Variants in HEATR1 observed in about 807,000 individuals in gnomAD.
HEATR1 encodes the protein HEAT repeat containing 1.
In HEATR1, 77 loss-of-function variants were observed where a neutral mutation model predicts 248.2. The ratio of observed to expected loss-of-function variants is 0.31; its 90% CI spans 0.26 to 0.37. The LOEUF (loss-of-function observed/expected upper bound fraction) is 0.37, where lower values mean the gene tolerates loss of function less well. HEATR1 is among the 10% of genes least tolerant of loss of function. The pLI, the probability that HEATR1 is intolerant of heterozygous loss-of-function variation, is 1.00. For synonymous variants in HEATR1, 897 were observed against 923.1 expected (o/e 0.97, Z 0.51); for missense variants, 2,420 against 2,504.9 (o/e 0.97, Z 0.72).
rs67239913 is a variant in HEATR1 at position 236,592,637 on chromosome 1, T to TA, written c.1194-5dup. ...AATATACTCTTCAAATAGAAGGCTG[T>TA]AAAAAAAAAAACAGAAATATCAGCA... On this transcript the variant is annotated splice_region_variant and splice_polypyrimidine_tract_variant and intron_variant, in intron 9 of 44. Coordinates refer to ENST00000366582, the MANE Select transcript of HEATR1 (RefSeq NM_018072.6). 0.015 allele frequency: 12,723 copies of TA among 848,930 alleles called. No individual in the cohort carries two copies. Among genetic ancestry groups the TA allele is most frequent in the South Asian group, 0.034 (1,912 of 56,874 alleles). The allele number at this position is 848,930 out of a possible 1,614,324, so 52.6% of individuals were successfully genotyped here. A position where few individuals can be genotyped will look rare whatever the true frequency, so the allele number is the denominator to read the frequency against.
rs886805974 is a variant in HEATR1, at chr1:236,556,258, C to T, written c.5356G>A (p.Val1786Met). The T allele has an allele frequency of 2.3e-5, 37 of 1,613,786 alleles. No individual in the cohort carries two copies. Among genetic ancestry groups the T allele is most frequent in the Non-Finnish European group, 3.1e-5 (36 of 1,179,922 alleles). The change falls in exon 38 of 45, where the codon GTG becomes ATG. Residue 1786 changes from valine to methionine, a missense_variant and splice_region_variant. Coordinates refer to ENST00000366582, the MANE Select transcript of HEATR1 (RefSeq NM_018072.6). ...CTAGTGATTTTCTCCAGATGAATCA[C>T]CTACAGGAATATAAAAAAAGTGATC... Reference protein sequence around the residue: ...SPYLEGILSQVIHLEKITSEM... With the variant: ...SPYLEGILSQMIHLEKITSEM...
At chr1:236,595,497 A>G (rs1664153307) in intron 8 of HEATR1, 43 bp downstream of exon 8, 3 of 1,531,990 alleles carry the variant, frequency 2.0e-6, no homozygotes, top group Non-Finnish European at 2.7e-6. Flanking sequence ...TTTTAAGATC[A>G]AATCTTAGAA....
At chr1:236,603,864 C>T (rs1452175962) in intron 2 of HEATR1, 90 bp downstream of exon 2, 4 of 1,337,504 alleles carry the variant, frequency 3.0e-6, no homozygotes, top group Non-Finnish European at 4.1e-6. Flanking sequence ...GAGGACGGGA[C>T]AGAAGAGAAA....
intron 20 of HEATR1, 137 bp from the exon 21 acceptor site, chr1:236,577,086 T>G (rs2103138303): frequency 1.5e-6 from 1 of 649,922 alleles, no homozygotes; most frequent in African/African-American, 1.8e-5. Context: ...GTTTGAATAT[T>G]TAATATTCCA....
chr1:236,583,337 G>A (rs74369277), intron 17 of HEATR1, 141 bp from the exon 18 acceptor site: 8 of 628,984 alleles, frequency 1.3e-5, no homozygotes, highest in African/African-American at 1.8e-5. Context: ...TGCTTTGGTC[G>A]GATTTTTAAA....
At chr1:236,581,017 A>G (rs2103141578) in intron 20 of HEATR1, among the ~76,000 whole-genome samples, 1 of 151,546 alleles carries the variant, frequency 6.6e-6, no homozygotes, top group East Asian at 1.9e-4. Context: ...ACGGGGTTTC[A>G]CCATGTTGCC....
Position 236,564,566 on chromosome 1 carries a change from G to A in HEATR1, c.4531C>T (p.Arg1511Trp), listed in dbSNP as rs1558180469. The change falls in exon 32 of 45, where the codon CGG becomes TGG. Residue 1511 changes from arginine (R) to tryptophan (W), a missense_variant. Coordinates refer to ENST00000366582, the MANE Select transcript of HEATR1 (RefSeq NM_018072.6). ...NVETHTSKQL[R>W]HFKFLSVSFM... ...GACACTGACAAAAATTTAAAATGCC[G>A]CAGTTGCTTGCTAGTGTGAGTCTCT... is the stretch of plus-strand genomic sequence containing the variant. 4 of 1,613,880 alleles carry A rather than the reference G, an allele frequency of 2.5e-6. No homozygotes were observed. Among genetic ancestry groups the A allele is most frequent in the Non-Finnish European group, 2.5e-6 (3 of 1,179,936 alleles).
intron 20 of HEATR1, among the ~76,000 whole-genome samples, chr1:236,580,824 ATT>A (rs71178327): frequency 1.6e-5 from 2 of 126,646 alleles, no homozygotes; most frequent in Non-Finnish European, 1.6e-5. Flanking sequence ...GCCTTTATCG[ATT>A]TTTTTTTTTT....
chr1:236,587,286 C>A, intron 14 of HEATR1, 116 bp downstream of exon 14: 1 of 437,766 alleles, frequency 2.3e-6, no homozygotes, highest in Non-Finnish European at 4.1e-6. Flanking sequence ...GTTCTACTAC[C>A]ACGACAAAAG....
At chr1:236,581,793 C>G (rs1362104611) in intron 19 of HEATR1, among the ~76,000 whole-genome samples, 1 of 152,216 alleles carries the variant, frequency 6.6e-6, no homozygotes, top group Non-Finnish European at 1.5e-5. Flanking sequence ...ATGGAGGTCA[C>G]TGGTGCTGGG....
chr1:236,565,030 C>T lies in HEATR1; in HGVS notation c.4436-369G>A, dbSNP rs968023807. Among the ~76,000 whole-genome samples the T allele has an allele frequency of 2.6e-5, 4 of 152,178 alleles. No homozygotes were observed. In the South Asian group the frequency reaches 8.3e-4, roughly 31 times the overall value. On this transcript the variant is annotated intron_variant, in intron 31 of 44. Transcript: ENST00000366582. The stretch of plus-strand genomic sequence containing the variant: ...GTTGGCAGTGCAGTGTTAAAAACCA[C>T]TAGCCTATAGAATGACTTACTGCTA...
In HEATR1 at chr1:236,568,893, A is replaced by AAC. The variant is rs1553282002; in HGVS notation, c.4077+102_4077+103insGT. 170 of 607,770 alleles carry AAC rather than the reference A, an allele frequency of 2.8e-4. 2 individuals are homozygous for AAC. The highest frequency in any genetic ancestry group is 2.4e-3 in the Middle Eastern group (4 of 1,700). 37.6% of individuals were successfully genotyped at this position (607,770 alleles called of 1,614,324 possible). ...ACAACTGTTGAGGATATTAAAAAAAAAAAACAAAAAAAAAAAACTAAAAAA... is the reference window on the plus strand; with the variant it reads ...ACAACTGTTGAGGATATTAAAAAAAAACAAAACAAAAAAAAAAAACTAAAAAA... On this transcript the variant is annotated intron_variant, in intron 29 of 44. Coordinates refer to ENST00000366582, the MANE Select transcript of HEATR1 (RefSeq NM_018072.6).
intron 32 of HEATR1, among the ~76,000 whole-genome samples, chr1:236,564,039 G>A (rs897896841): frequency 6.6e-6 from 1 of 152,162 alleles, no homozygotes; most frequent in African/African-American, 2.4e-5. Context: ...GATTGCTTGA[G>A]CCCAGGAGTT....
intron 17 of HEATR1, among the ~76,000 whole-genome samples, chr1:236,584,528 G>A (rs1003299529): frequency 1.3e-5 from 2 of 152,024 alleles, no homozygotes; most frequent in Admixed American, 1.3e-4. Context: ...AAAAAGTCTT[G>A]CTACCTCAAA....
intron 43 of HEATR1, among the ~76,000 whole-genome samples, 161 bp downstream of exon 43, chr1:236,553,420 T>C (rs1662842268): frequency 6.6e-6 from 1 of 152,194 alleles, no homozygotes; most frequent in East Asian, 1.9e-4. Flanking sequence ...AGGCACAAAT[T>C]TCTGCCTAAT....
Position 236,555,823 on chromosome 1 carries a change from G to C in HEATR1, c.5631C>G (p.Phe1877Leu), listed in dbSNP as rs149306902. The change falls in exon 39 of 45, where the codon TTC (phenylalanine) becomes TTG (leucine). Residue 1877 changes from phenylalanine (F) to leucine (L), a missense_variant. Transcript: ENST00000366582. ...LTAFFLEALD[F>L]RAQHSENDLE... Reference sequence around the variant, plus strand: ...AGCTTACCTCAGAGTGCTGGGCTCGGAAGTCCAGGGCTTCCAGGAAAAAGG... The same window carrying C: ...AGCTTACCTCAGAGTGCTGGGCTCGCAAGTCCAGGGCTTCCAGGAAAAAGG... 2.5e-6 allele frequency: 4 copies of C among 1,614,020 alleles called. No individual in the cohort carries two copies. The African/African-American group carries it at 4.0e-5, about 16-fold the overall frequency.
At chr1:236,593,895 T>A in intron 9 of HEATR1, 117 bp downstream of exon 9, 1 of 672,780 alleles carries the variant, frequency 1.5e-6, no homozygotes, top group Non-Finnish European at 2.6e-6. Context: ...AATGAAATGA[T>A]ACAGACAAAA....
Position 236,585,078 on chromosome 1 carries a change from A to G in HEATR1, c.2188T>C (p.Phe730Leu), listed in dbSNP as rs975367128. 6.2e-7 allele frequency: 1 copy of G among 1,613,944 alleles called. No homozygotes were observed. The highest frequency in any genetic ancestry group is 1.7e-5 in the Admixed American group (1 of 59,992). The stretch of plus-strand genomic sequence containing the variant: ...TTTATTTTTTTCTGCAACAAACTGA[A>G]GACTCTTATCGCAAATGGAAAGTGG... Reference protein sequence around the residue: ...ETHFPFAIRVFSLLQKKIKKL... With the variant: ...ETHFPFAIRVLSLLQKKIKKL... The change falls in exon 17 of 45, where the codon TTC (phenylalanine) becomes CTC (leucine). Residue 730 changes from phenylalanine (F) to leucine (L), a missense_variant. Transcript: ENST00000366582.
chr1:236,573,941 A>G (rs542160307), intron 24 of HEATR1: 9 of 255,580 alleles, frequency 3.5e-5, no homozygotes, highest in Admixed American at 5.4e-5. Context: ...TCCGTCTAAT[A>G]TGAGAAAGAT....
Sources: gnomAD v4.1 joint callset for allele counts (sites outside exome capture counted in the v4.1 genomes callset) on GRCh38, gnomAD v4.1.1 for gene constraint, MANE v1.5 for transcripts, NCBI Gene and HGNC (gene_info 2026-07-23, HGNC 2026-07-21) for gene names.